ERGIC1: variants seen among roughly 807,000 people sequenced by gnomAD.
The protein encoded by ERGIC1 is endoplasmic reticulum-golgi intermediate compartment 1, also known as endoplasmic reticulum-Golgi intermediate compartment protein 1.
Under a neutral mutation model 38.3 loss-of-function variants are expected in ERGIC1, and 19 were observed. That is an observed-to-expected ratio of 0.50 (90% confidence interval 0.35 to 0.73). ERGIC1 has a LOEUF of 0.73. Among genes scored for constraint, ERGIC1 ranks in the 30% least tolerant of loss-of-function variants. ERGIC1 has a pLI of 0.01. For missense variants in ERGIC1, 294 were observed against 389.2 expected (o/e 0.76, Z 2.06); for synonymous variants, 124 against 157.6 (o/e 0.79, Z 1.60).
chr5:172,876,697 A>G (rs1162832355), intron 1 of ERGIC1, among the ~76,000 whole-genome samples: 1 of 152,224 alleles, frequency 6.6e-6, no homozygotes, highest in Admixed American at 6.5e-5. Context: ...GATCATGGAT[A>G]TCTACACCAC....
Position 172,834,267 on chromosome 5 carries a change from A to AGGCGAGTGGCGAGTGGCGAGT in ERGIC1, c.-138_-118dup, listed in dbSNP as rs543755080. 2.7e-6 allele frequency: 2 copies of AGGCGAGTGGCGAGTGGCGAGT among 752,168 alleles called. No individual in the cohort carries two copies. Among genetic ancestry groups the AGGCGAGTGGCGAGTGGCGAGT allele is most frequent in the Non-Finnish European group, 3.4e-6 (2 of 585,160 alleles). 46.6% of individuals were successfully genotyped at this position (752,168 alleles called of 1,614,324 possible). A position where few individuals can be genotyped will look rare whatever the true frequency, so the allele number is the denominator to read the frequency against. ...CGGAGCGTCACTTCCCGGCAGCGGG[A>AGGCGAGTGGCGAGTGGCGAGT]GGCGAGTGGCGAGTGGCGAGTGGCG... On this transcript the variant is annotated 5_prime_UTR_variant, in exon 1 of 10. Transcript: ENST00000393784. This position sits in a 1 kb window ranked among gnomAD's most constrained non-coding sequence, Gnocchi z 4.1.
chr5:172,890,336 A>T (rs1166823504), intron 2 of ERGIC1, among the ~76,000 whole-genome samples: 1 of 152,210 alleles, frequency 6.6e-6, no homozygotes, highest in Non-Finnish European at 1.5e-5. Context: ...CTGATAAGAG[A>T]CTAAGGACCC....
intron 1 of ERGIC1, among the ~76,000 whole-genome samples, chr5:172,868,974 C>T (rs1365564004): frequency 6.6e-6 from 1 of 152,252 alleles, no homozygotes; most frequent in African/African-American, 2.4e-5. Context: ...CGTGGCTCTG[C>T]ACTCTGCGGG....
chr5:172,935,439 G>T, intron 9 of ERGIC1, 129 bp downstream of exon 9: 5 of 1,303,912 alleles, frequency 3.8e-6, no homozygotes, highest in Non-Finnish European at 5.3e-6. Flanking sequence ...AGGGGCTCTG[G>T]CTGGGCACAG....
chr5:172,848,304 T>G (rs759042679), intron 1 of ERGIC1, among the ~76,000 whole-genome samples: 1 of 152,168 alleles, frequency 6.6e-6, no homozygotes, highest in Non-Finnish European at 1.5e-5. Flanking sequence ...AGGGAACAAA[T>G]CATTGCACAA....
In ERGIC1 at chr5:172,837,253, T is replaced by C. The variant is rs1204154821; in HGVS notation, c.20+2820T>C. Among the ~76,000 whole-genome samples the C allele has an allele frequency of 6.6e-6, 1 of 152,218 alleles. No homozygotes were observed. The highest frequency in any genetic ancestry group is 6.5e-5 in the Admixed American group (1 of 15,292). On this transcript the variant is annotated intron_variant, in intron 1 of 9. Coordinates refer to ENST00000393784, the MANE Select transcript of ERGIC1 (RefSeq NM_001031711.3). The surrounding 1 kb of genome is among the most constrained non-coding windows in gnomAD (Gnocchi z 4.3). Reference sequence around the variant, plus strand: ...GGTGCAACTGAGTTCTGTGTTTTCCTGTCTGTGAAATGGGAATGAGGAGAG... The same window carrying C: ...GGTGCAACTGAGTTCTGTGTTTTCCCGTCTGTGAAATGGGAATGAGGAGAG...
intron 1 of ERGIC1, among the ~76,000 whole-genome samples, chr5:172,887,505 G>C (rs1762452585): frequency 6.6e-6 from 1 of 152,214 alleles, no homozygotes; most frequent in African/African-American, 2.4e-5. Flanking sequence ...GGAGGAAACA[G>C]GCTCCGAGAG....
intron 3 of ERGIC1, among the ~76,000 whole-genome samples, chr5:172,906,786 GC>G: frequency 6.6e-6 from 1 of 152,140 alleles, no homozygotes; most frequent in Admixed American, 6.5e-5. Flanking sequence ...CTGAAGCACT[GC>G]CCCTTCAGCC....
At chr5:172,842,161 A>G (rs1261150849) in intron 1 of ERGIC1, among the ~76,000 whole-genome samples, 2 of 152,206 alleles carry the variant, frequency 1.3e-5, no homozygotes, top group Non-Finnish European at 2.9e-5. Flanking sequence ...ATTCTGCCTC[A>G]GCCTCCCAAG....
At chr5:172,838,772 G>A (rs373251016) in intron 1 of ERGIC1, among the ~76,000 whole-genome samples, 1 of 152,036 alleles carries the variant, frequency 6.6e-6, no homozygotes, top group East Asian at 1.9e-4. Context: ...ATGGGACCCT[G>A]GTAGCCCCAT....
intron 5 of ERGIC1, 110 bp downstream of exon 5, chr5:172,914,948 C>G (rs373536589): frequency 3.3e-6 from 5 of 1,526,492 alleles, no homozygotes; most frequent in Non-Finnish European, 3.6e-6. Context: ...CTGACACAGC[C>G]CCCAGCAAGC....
intron 1 of ERGIC1, among the ~76,000 whole-genome samples, chr5:172,884,247 T>G (rs1204046325): frequency 9.4e-6 from 1 of 106,628 alleles, no homozygotes; most frequent in Non-Finnish European, 2.3e-5. Flanking sequence ...ACCCCAAGTT[T>G]TTTTTTTTTT....
chr5:172,839,671 ATTAT>A (rs1761113435), intron 1 of ERGIC1, among the ~76,000 whole-genome samples: 1 of 152,196 alleles, frequency 6.6e-6, no homozygotes, highest in Non-Finnish European at 1.5e-5. Flanking sequence ...CAGAGAGAAA[ATTAT>A]GTGAAAAGGC....
chr5:172,897,825 C>T, intron 3 of ERGIC1: 1 of 414,144 alleles, frequency 2.4e-6, no homozygotes. Flanking sequence ...AACCCCCTTC[C>T]CATTTCTCAG....
chr5:172,839,095 G>C lies in ERGIC1; in HGVS notation c.20+4662G>C, dbSNP rs191020784. Among the ~76,000 whole-genome samples the C allele has an allele frequency of 2.3e-3, 357 of 151,970 alleles. 2 individuals carry two copies. Among genetic ancestry groups the C allele is most frequent in the Non-Finnish European group, 2.2e-3 (152 of 67,970 alleles). On this transcript the variant is annotated intron_variant, in intron 1 of 9. Coordinates refer to ENST00000393784, the MANE Select transcript of ERGIC1 (RefSeq NM_001031711.3). The stretch of plus-strand genomic sequence containing the variant: ...GTCTCTAATAAAAATACAAAAATCA[G>C]CCGGGCTTGATGGTACATACCTGTA...
intron 3 of ERGIC1, among the ~76,000 whole-genome samples, chr5:172,897,428 CAA>C (rs71310033): frequency 4.6e-4 from 51 of 109,870 alleles, no homozygotes; most frequent in Admixed American, 4.9e-4. Context: ...GACCCTGTTT[CAA>C]AAAAAAAAAA....
At chr5:172,851,354 C>T (rs988166017) in intron 1 of ERGIC1, among the ~76,000 whole-genome samples, 4 of 149,574 alleles carry the variant, frequency 2.7e-5, no homozygotes, top group African/African-American at 7.4e-5. Flanking sequence ...ACTAAAAATA[C>T]AAAAATTAGC....
At chr5:172,853,863 A>G (rs1396094554) in intron 1 of ERGIC1, among the ~76,000 whole-genome samples, 1 of 152,218 alleles carries the variant, frequency 6.6e-6, no homozygotes, top group South Asian at 2.1e-4. Flanking sequence ...TGAAAATTCC[A>G]TGATCAGTTC....
chr5:172,909,519 TGAGGGCACAG>T (rs1763153781), intron 3 of ERGIC1, 138 bp from the exon 4 acceptor site: 1 of 683,588 alleles, frequency 1.5e-6, no homozygotes, highest in Admixed American at 2.2e-5. Flanking sequence ...GACCCGTGCC[TGAGGGCACAG>T]GAGGTGCAGG....
Sources: allele counts gnomAD v4.1 joint callset (sites outside exome capture counted in the v4.1 genomes callset), GRCh38; gene constraint gnomAD v4.1.1; non-coding constraint Gnocchi (gnomAD v3.1); transcripts MANE v1.5; gene names NCBI Gene and HGNC (gene_info 2026-07-23, HGNC 2026-07-21).